Variants in DGKD observed in about 807,000 individuals in gnomAD.
DGKD encodes diacylglycerol kinase delta, also known as DAG kinase delta.
Under a neutral mutation model 154.4 loss-of-function variants are expected in DGKD, and 68 were observed. The observed-to-expected ratio is 0.44, with a 90% confidence interval of 0.36 to 0.54. The LOEUF (loss-of-function observed/expected upper bound fraction) is 0.54. Among genes scored for constraint, DGKD ranks in the 20% least tolerant of loss-of-function variants. DGKD has a pLI of 0.00. For missense variants in DGKD, 1,343 were observed against 1,593.6 expected, an observed-to-expected ratio of 0.84 and a Z score of 2.68; for synonymous variants, 693 against 638.0, an observed-to-expected ratio of 1.09 and a Z score of -1.30.
intron 3 of DGKD, among the ~76,000 whole-genome samples, chr2:233,403,360 G>T (rs2061603506): frequency 6.6e-6 from 1 of 152,056 alleles, no homozygotes; most frequent in Non-Finnish European, 1.5e-5. Context: ...AGGAGTTCAA[G>T]ACCAGCCTAG....
chr2:233,468,298 G>T (rs1041275437), intron 28 of DGKD, 125 bp from the exon 29 acceptor site: 7 of 1,194,358 alleles, frequency 5.9e-6, no homozygotes, highest in Middle Eastern at 2.3e-4. Flanking sequence ...GGGCTGTCTC[G>T]GGTGCTGGCT....
At chr2:233,399,228 A>G (rs2061497974) in intron 3 of DGKD, among the ~76,000 whole-genome samples, 1 of 152,218 alleles carries the variant, frequency 6.6e-6, no homozygotes, top group Non-Finnish European at 1.5e-5. Context: ...CATGAGAGCA[A>G]GGATTTTTGT....
At chr2:233,425,408 C>T (rs2062261465) in intron 3 of DGKD, among the ~76,000 whole-genome samples, 1 of 152,060 alleles carries the variant, frequency 6.6e-6, no homozygotes, top group Non-Finnish European at 1.5e-5. Context: ...AGGATGGTCT[C>T]GATCTCCTGA....
chr2:233,450,328 TTGG>T (rs1318820264), intron 16 of DGKD, among the ~76,000 whole-genome samples, 197 bp downstream of exon 16: 1 of 152,112 alleles, frequency 6.6e-6, no homozygotes, highest in Non-Finnish European at 1.5e-5. Context: ...GCGGTCTGTC[TTGG>T]TGGACAGCAG....
chr2:233,437,487 C>T lies in DGKD; in HGVS notation c.922+8C>T. Reference sequence around the variant, plus strand: ...ACAGCATCGACTCCGATGGTGGGTACCACACATGCTTATCCTTCTCATGCA... The same window carrying T: ...ACAGCATCGACTCCGATGGTGGGTATCACACATGCTTATCCTTCTCATGCA... On this transcript the variant is annotated splice_region_variant and intron_variant, in intron 8 of 29. Coordinates refer to ENST00000264057, the MANE Select transcript of DGKD (RefSeq NM_152879.3). 6.2e-7 allele frequency: 1 copy of T among 1,612,986 alleles called. No homozygotes were observed. The highest frequency in any genetic ancestry group is 8.5e-7 in the Non-Finnish European group (1 of 1,179,076).
chr2:233,432,495 T>G (rs899850412), intron 3 of DGKD, among the ~76,000 whole-genome samples: 1 of 152,148 alleles, frequency 6.6e-6, no homozygotes, highest in Admixed American at 6.5e-5. Context: ...TCGTCTCTAC[T>G]AAAAATACAA....
rs754093994 is a variant in DGKD at position 233,449,305 on chromosome 2, G to A, written c.1817G>A (p.Arg606Gln). Residue 606 changes from arginine to glutamine, a missense_variant, in exon 15 of 30, where the codon CGA becomes CAA. Arg to Gln is a conservative substitution (Grantham distance 43). Around this residue, in one of 6 missense-constraint regions of DGKD, gnomAD observed 409 missense variants for 446.0 expected, o/e 0.92. Coordinates refer to ENST00000264057, the MANE Select transcript of DGKD (RefSeq NM_152879.3). The surrounding 1 kb of genome is among the most constrained non-coding windows in gnomAD (Gnocchi z 5.3). Reference protein sequence around the residue: ...CPARPQIFRPREQLMLRANSL... With the variant: ...CPARPQIFRPQEQLMLRANSL... ...GCCCGGCCGCAGATATTCCGGCCTC[G>A]AGAACAGCTCATGCTGAGAGCCAAC... is the stretch of plus-strand genomic sequence containing the variant. 3.7e-6 allele frequency: 6 copies of A among 1,612,920 alleles called. No homozygotes were observed. The highest frequency in any genetic ancestry group is 5.1e-6 in the Non-Finnish European group (6 of 1,179,306).
intron 1 of DGKD, among the ~76,000 whole-genome samples, chr2:233,383,804 CTT>C (rs1703021827): frequency 6.6e-6 from 1 of 152,134 alleles, no homozygotes; most frequent in African/African-American, 2.4e-5. Context: ...TTCCGCTTCT[CTT>C]AATTTGCTTT....
At chr2:233,381,256 C>T (rs1340015309) in intron 1 of DGKD, among the ~76,000 whole-genome samples, 4 of 152,188 alleles carry the variant, frequency 2.6e-5, no homozygotes, top group Non-Finnish European at 5.9e-5. Flanking sequence ...TGCCAGGATG[C>T]GGTAAGATCA....
At position 233,443,422 on chromosome 2, in the gene DGKD, T is replaced by G. The variant is rs191957369; in HGVS notation, c.1194+1427T>G. ...TTCTTATCTGTCACTGCAGATATTT[T>G]TTTCCCGGTTTGTCGTTTGTCAGTT... On this transcript the variant is annotated intron_variant, in intron 10 of 29. Transcript: ENST00000264057. Among the ~76,000 whole-genome samples, 257 of 152,324 alleles carry G rather than the reference T, an allele frequency of 1.7e-3. 1 individual carries two copies. Among genetic ancestry groups the G allele is most frequent in the African/African-American group, 5.6e-3 (233 of 41,590 alleles).
intron 3 of DGKD, among the ~76,000 whole-genome samples, chr2:233,404,132 A>G (rs1280041561): frequency 2.0e-5 from 3 of 152,124 alleles, no homozygotes; most frequent in South Asian, 2.1e-4. Context: ...TGTTATATAC[A>G]TGTATAATTT....
At chr2:233,431,131 G>A (rs545142249) in intron 3 of DGKD, among the ~76,000 whole-genome samples, 4 of 152,332 alleles carry the variant, frequency 2.6e-5, no homozygotes, top group South Asian at 4.1e-4. Context: ...CAGTAGAGTT[G>A]CAGGATCCAA....
chr2:233,467,927 A>G (rs2063877564), intron 28 of DGKD, among the ~76,000 whole-genome samples: 1 of 152,180 alleles, frequency 6.6e-6, no homozygotes, highest in Non-Finnish European at 1.5e-5. Flanking sequence ...CTTTCCTGCT[A>G]TGGTCCAGAA....
intron 3 of DGKD, among the ~76,000 whole-genome samples, chr2:233,428,426 C>A (rs1022947848): frequency 2.6e-5 from 4 of 152,120 alleles, no homozygotes; most frequent in African/African-American, 9.7e-5. Flanking sequence ...GAAAGATGCT[C>A]ACATGGGAAA....
chr2:233,377,514 T>C (rs1283971478), intron 1 of DGKD, among the ~76,000 whole-genome samples: 1 of 152,254 alleles, frequency 6.6e-6, no homozygotes, highest in Non-Finnish European at 1.5e-5. Context: ...ATATTTTGAA[T>C]GTACCGTAAT....
At chr2:233,462,589 A>T in intron 25 of DGKD, 54 bp from the exon 26 acceptor site, 1 of 1,576,366 alleles carries the variant, frequency 6.3e-7, no homozygotes, top group Admixed American at 1.7e-5. Flanking sequence ...CCCTGCCCCT[A>T]ACCGTGCATG....
At chr2:233,447,324 C>T (rs1162727573) in intron 12 of DGKD, among the ~76,000 whole-genome samples, 2 of 152,180 alleles carry the variant, frequency 1.3e-5, no homozygotes, top group Non-Finnish European at 2.9e-5. Context: ...CCTACAGTTT[C>T]CCTCAGAGAA....
intron 3 of DGKD, among the ~76,000 whole-genome samples, chr2:233,393,161 A>G (rs529771600): frequency 1.5e-4 from 23 of 152,068 alleles, no homozygotes; most frequent in African/African-American, 5.3e-4. Context: ...AGTAGCTGGG[A>G]TTGCAGGCAC....
At chr2:233,363,180 G>A (rs1701863901) in intron 1 of DGKD, among the ~76,000 whole-genome samples, 1 of 152,202 alleles carries the variant, frequency 6.6e-6, no homozygotes, top group African/African-American at 2.4e-5. Flanking sequence ...ATCATAGGAG[G>A]TGACAGCTCC....
Sources: gnomAD v4.1 joint callset for allele counts (sites outside exome capture counted in the v4.1 genomes callset) on GRCh38, gnomAD v4.1.1 for gene constraint, gnomAD v4.1.1 regional missense constraint, Gnocchi (gnomAD v3.1) non-coding constraint, MANE v1.5 for transcripts, NCBI Gene and HGNC (gene_info 2026-07-23, HGNC 2026-07-21) for gene names.